Variants in ELOVL7 observed in about 807,000 individuals in gnomAD.
ELOVL7 encodes the protein ELOVL fatty acid elongase 7.
Under a neutral mutation model 35.7 loss-of-function variants are expected in ELOVL7, and 27 were observed. That is an observed-to-expected ratio of 0.76 (90% CI 0.56 to 1.04). The LOEUF is 1.04. Among genes scored for constraint, ELOVL7 ranks in the 50% least tolerant of loss-of-function variants. ELOVL7 has a pLI of 0.00. For missense variants in ELOVL7, 327 were observed against 340.8 expected (o/e 0.96, Z 0.32); for synonymous variants, 113 against 114.6 (o/e 0.99, Z 0.09).
At chr5:60,830,000 T>G (rs147306701) in intron 1 of ELOVL7, among the ~76,000 whole-genome samples, 126 of 152,314 alleles carry the variant, frequency 8.3e-4, no homozygotes, top group Non-Finnish European at 1.5e-3. Context: ...CTGCTCCTCT[T>G]TCTCCTCCCC....
chr5:60,794,860 T>C (rs1034163833), intron 2 of ELOVL7, among the ~76,000 whole-genome samples: 3 of 151,940 alleles, frequency 2.0e-5, no homozygotes, highest in African/African-American at 7.3e-5. Context: ...GGTACCAACA[T>C]AGGGATGGAG....
At chr5:60,827,495 C>A (rs1579929999) in intron 1 of ELOVL7, among the ~76,000 whole-genome samples, 1 of 152,256 alleles carries the variant, frequency 6.6e-6, no homozygotes, top group East Asian at 1.9e-4. Context: ...AAAACATTTT[C>A]TTCTAGACAA....
At chr5:60,807,760 G>C (rs938662675) in intron 1 of ELOVL7, among the ~76,000 whole-genome samples, 4 of 151,948 alleles carry the variant, frequency 2.6e-5, no homozygotes, top group Non-Finnish European at 5.9e-5. Context: ...AGCACTTTGG[G>C]AGGCCGAGGC....
chr5:60,795,054 C>G (rs957128781), intron 2 of ELOVL7, among the ~76,000 whole-genome samples: 1 of 152,114 alleles, frequency 6.6e-6, no homozygotes, highest in Non-Finnish European at 1.5e-5. Flanking sequence ...TAATAAAGAA[C>G]GGATCAGAAC....
intron 3 of ELOVL7, among the ~76,000 whole-genome samples, chr5:60,785,182 T>A (rs1444358153): frequency 6.6e-6 from 1 of 152,096 alleles, no homozygotes; most frequent in Non-Finnish European, 1.5e-5. Context: ...GAGCATAACT[T>A]CAAATACAAG....
chr5:60,786,958 T>TAA lies in ELOVL7; in HGVS notation c.64+374_64+375dup, dbSNP rs879291486. Among the ~76,000 whole-genome samples the TAA allele has an allele frequency of 1.9e-3, 264 of 137,882 alleles. 1 individual carries two copies. Among genetic ancestry groups the TAA allele is most frequent in the Admixed American group, 4.4e-3 (61 of 13,772 alleles). The allele number at this position is 137,882 out of a possible 152,430, so 90.5% of individuals were successfully genotyped here. ...TGGGCGACAGAGTGAGACTCTGTCT[T>TAA]AAAAAAAAAAAAAAGAGTTGGCATT... On this transcript the variant is annotated intron_variant, in intron 3 of 8. Transcript: ENST00000508821.
chr5:60,764,197 A>ATTTG, intron 7 of ELOVL7, 30 bp downstream of exon 7: 2 of 1,454,308 alleles, frequency 1.4e-6, no homozygotes, highest in Non-Finnish European at 1.9e-6. Flanking sequence ...TGTTGTTTAT[A>ATTTG]ACACATGATC....
chr5:60,816,249 G>A (rs184864798), intron 1 of ELOVL7, among the ~76,000 whole-genome samples: 60 of 152,050 alleles, frequency 3.9e-4, no homozygotes, highest in Admixed American at 1.0e-3. Flanking sequence ...GCATGGTGGC[G>A]GCCCCTGTAG....
chr5:60,831,696 C>T (rs1007308344), intron 1 of ELOVL7, among the ~76,000 whole-genome samples: 2 of 152,200 alleles, frequency 1.3e-5, no homozygotes, highest in Non-Finnish European at 2.9e-5. Flanking sequence ...ATCCATAAAG[C>T]GATTCAAGAT....
intron 2 of ELOVL7, 122 bp from the exon 3 acceptor site, chr5:60,787,553 T>C (rs1255838516): frequency 3.6e-6 from 2 of 555,212 alleles, no homozygotes; most frequent in Non-Finnish European, 6.0e-6. Context: ...GACAACAAAC[T>C]CCCACTGAAG....
At chr5:60,806,562 G>A (rs561558865) in intron 1 of ELOVL7, among the ~76,000 whole-genome samples, 2 of 152,158 alleles carry the variant, frequency 1.3e-5, no homozygotes, top group East Asian at 1.9e-4. Flanking sequence ...GAAGGAAGCT[G>A]CCTGGTAGGA....
intron 2 of ELOVL7, among the ~76,000 whole-genome samples, chr5:60,790,480 C>A (rs1239203056): frequency 2.0e-5 from 3 of 152,128 alleles, no homozygotes. Flanking sequence ...TGTCTAAATT[C>A]TTTAAGAGTT....
intron 3 of ELOVL7, among the ~76,000 whole-genome samples, chr5:60,786,788 A>G (rs1743618273): frequency 6.6e-6 from 1 of 151,882 alleles, no homozygotes; most frequent in South Asian, 2.1e-4. Flanking sequence ...TAAAAATACA[A>G]AAAATTAGCC....
At chr5:60,783,233 T>G (rs994095853) in intron 3 of ELOVL7, among the ~76,000 whole-genome samples, 1 of 152,222 alleles carries the variant, frequency 6.6e-6, no homozygotes, top group African/African-American at 2.4e-5. Context: ...TGATCCAATC[T>G]GCTACATTGG....
At chr5:60,822,452 C>CCT in intron 1 of ELOVL7, among the ~76,000 whole-genome samples, 1 of 152,126 alleles carries the variant, frequency 6.6e-6, no homozygotes, top group South Asian at 2.1e-4. Flanking sequence ...AGCCTAAGAG[C>CCT]AAGAAGACCG....
At chr5:60,769,529 T>C (rs895110341) in intron 4 of ELOVL7, among the ~76,000 whole-genome samples, 3 of 152,202 alleles carry the variant, frequency 2.0e-5, no homozygotes, top group Admixed American at 2.0e-4. Context: ...TCCTTCCCTT[T>C]CAACTTCTTC....
intron 1 of ELOVL7, among the ~76,000 whole-genome samples, chr5:60,827,836 C>CA (rs1466189640): frequency 6.6e-6 from 1 of 152,170 alleles, no homozygotes; most frequent in Non-Finnish European, 1.5e-5. Context: ...TTTGGTACCA[C>CA]AACCCACCTG....
At chr5:60,794,765 G>C (rs940781649) in intron 2 of ELOVL7, among the ~76,000 whole-genome samples, 1 of 152,166 alleles carries the variant, frequency 6.6e-6, no homozygotes, top group Non-Finnish European at 1.5e-5. Context: ...TTAGGAATCA[G>C]ATATCAGGGA....
intron 3 of ELOVL7, among the ~76,000 whole-genome samples, chr5:60,778,556 AT>A (rs1313209839): frequency 1.3e-5 from 2 of 152,198 alleles, no homozygotes; most frequent in East Asian, 3.8e-4. Flanking sequence ...TTATAAAACC[AT>A]CAGCTCTTGT....
Sources: allele counts gnomAD v4.1 joint callset (sites outside exome capture counted in the v4.1 genomes callset), GRCh38; gene constraint gnomAD v4.1.1; transcripts MANE v1.5; gene names NCBI Gene and HGNC (gene_info 2026-07-23, HGNC 2026-07-21).